The following FER variants were observed in gnomAD, a reference collection of about 807,000 sequenced individuals.
FER encodes the protein FER tyrosine kinase.
FER carries 63 observed loss-of-function variants against 111.0 expected under a neutral mutation model. The observed-to-expected ratio is 0.57, with a 90% CI of 0.46 to 0.70. The LOEUF (loss-of-function observed/expected upper bound fraction) is 0.70, where lower values mean the gene tolerates loss of function less well. FER is among the 30% of genes least tolerant of loss of function. The pLI, the probability that FER is intolerant of heterozygous loss-of-function variation, is 0.00. For synonymous variants in FER, 327 were observed against 313.9 expected (o/e 1.04, Z -0.44); for missense variants, 914 against 954.0 (o/e 0.96, Z 0.55).
chr5:108,811,609 A>C (rs540760472), intron 3 of FER, among the ~76,000 whole-genome samples: 31 of 152,302 alleles, frequency 2.0e-4, no homozygotes, highest in Middle Eastern at 6.8e-3. Flanking sequence ...AGGGTTTTCC[A>C]GAGAAACAGA....
chr5:109,166,602 T>C (rs563240261), intron 17 of FER, among the ~76,000 whole-genome samples: 5 of 152,204 alleles, frequency 3.3e-5, no homozygotes, highest in African/African-American at 4.8e-5. Flanking sequence ...GTATAGTGTC[T>C]TAACACACAA....
intron 16 of FER, among the ~76,000 whole-genome samples, chr5:109,075,428 ATTT>A (rs749923297): frequency 3.9e-4 from 50 of 128,486 alleles, no homozygotes; most frequent in Admixed American, 7.9e-4. Context: ...TTTGCTTAGC[ATTT>A]TTTTTTTTTT....
At chr5:108,792,944 C>T (rs1020586811) in intron 2 of FER, among the ~76,000 whole-genome samples, 1 of 152,048 alleles carries the variant, frequency 6.6e-6, no homozygotes, top group African/African-American at 2.4e-5. Flanking sequence ...TTGATACAGA[C>T]ATGCAGTGTG....
chr5:108,844,456 C>T (rs1344376645), intron 5 of FER, among the ~76,000 whole-genome samples: 1 of 152,074 alleles, frequency 6.6e-6, no homozygotes, highest in African/African-American at 2.4e-5. Context: ...AAGAATTGCC[C>T]TTACCCTCTT....
intron 3 of FER, among the ~76,000 whole-genome samples, chr5:108,804,878 T>A (rs554713375): frequency 8.5e-5 from 13 of 152,228 alleles, no homozygotes; most frequent in African/African-American, 3.1e-4. Flanking sequence ...TAGAATTCCC[T>A]CCTACTTGAT....
intron 16 of FER, among the ~76,000 whole-genome samples, chr5:109,068,820 A>C (rs533916456): frequency 2.0e-5 from 3 of 152,346 alleles, no homozygotes; most frequent in African/African-American, 7.2e-5. Flanking sequence ...ACCTGCTGGT[A>C]AATTAATCTG....
At chr5:109,052,099 C>T in intron 16 of FER, 2 of 1,603,882 alleles carry the variant, frequency 1.2e-6, no homozygotes, top group East Asian at 4.5e-5. Flanking sequence ...CACATTGACA[C>T]CATCAGTTTG....
intron 10 of FER, among the ~76,000 whole-genome samples, chr5:108,901,257 A>G (rs1242615994): frequency 6.6e-6 from 1 of 152,002 alleles, no homozygotes; most frequent in Non-Finnish European, 1.5e-5. Context: ...TTCCTTCACA[A>G]CTATGCTAAT....
chr5:109,025,329 C>A (rs921724214), intron 13 of FER, among the ~76,000 whole-genome samples: 1 of 152,250 alleles, frequency 6.6e-6, no homozygotes, highest in East Asian at 1.9e-4. Flanking sequence ...TTGAAGAGGT[C>A]CATCACGTCC....
intron 17 of FER, among the ~76,000 whole-genome samples, chr5:109,101,678 T>A (rs1748253400): frequency 6.6e-6 from 1 of 152,124 alleles, no homozygotes; most frequent in Non-Finnish European, 1.5e-5. Context: ...TCATTGCATT[T>A]CTGTTTTACT....
At chr5:108,940,995 A>G (rs1023490169) in intron 10 of FER, among the ~76,000 whole-genome samples, 1 of 152,100 alleles carries the variant, frequency 6.6e-6, no homozygotes, top group Admixed American at 6.6e-5. Flanking sequence ...TAGAGCTGAA[A>G]GTTGTCTTCT....
intron 8 of FER, among the ~76,000 whole-genome samples, chr5:108,876,205 T>C (rs544919467): frequency 1.1e-3 from 162 of 152,272 alleles, no homozygotes; most frequent in African/African-American, 3.7e-3. Flanking sequence ...GCATTTTAAA[T>C]GGTTGGAAAA....
chr5:108,897,996 A>C (rs1749402431), intron 10 of FER, 148 bp downstream of exon 10: 1 of 719,580 alleles, frequency 1.4e-6, no homozygotes, highest in Admixed American at 3.7e-5. Flanking sequence ...TGCAAAATAG[A>C]CTTGTCAGTC....
chr5:109,107,688 C>CT (rs1457884298), intron 17 of FER, among the ~76,000 whole-genome samples: 2 of 152,104 alleles, frequency 1.3e-5, no homozygotes, highest in African/African-American at 4.8e-5. Context: ...GTTCTTGAAA[C>CT]TAGTAACCGG....
At chr5:109,184,929 C>CA (rs1419070836) in intron 18 of FER, among the ~76,000 whole-genome samples, 1 of 152,052 alleles carries the variant, frequency 6.6e-6, no homozygotes, top group Non-Finnish European at 1.5e-5. Flanking sequence ...ATAAATCCTG[C>CA]AGTGGCAGAG....
intron 13 of FER, among the ~76,000 whole-genome samples, chr5:109,016,990 C>T (rs888151037): frequency 6.6e-6 from 1 of 152,034 alleles, no homozygotes; most frequent in Admixed American, 6.6e-5. Context: ...AGAAGGCAGT[C>T]TGCAATCCAG....
chr5:109,124,546 ATTGT>A (rs1203891846), intron 17 of FER, among the ~76,000 whole-genome samples: 5 of 152,040 alleles, frequency 3.3e-5, no homozygotes, highest in Admixed American at 1.3e-4. Context: ...CAGCTTTATA[ATTGT>A]TTGTCATTTC....
intron 13 of FER, among the ~76,000 whole-genome samples, chr5:108,961,435 T>C (rs1474198077): frequency 6.6e-6 from 1 of 152,230 alleles, no homozygotes; most frequent in Non-Finnish European, 1.5e-5. Context: ...TTAGATTCTC[T>C]GGACTATTAC....
rs183645309 is a variant in FER at position 109,096,980 on chromosome 5, T to C, written c.1925-3416T>C. On this transcript the variant is annotated intron_variant, in intron 16 of 19. Transcript: ENST00000281092. ...AGTATATAAATATATAATAAATATA[T>C]AAATATAAATATATAATTATATAAA... Among the ~76,000 whole-genome samples, 281 of 148,084 alleles carry C rather than the reference T, an allele frequency of 1.9e-3. 1 individual carries two copies. The highest frequency in any genetic ancestry group is 6.4e-3 in the African/African-American group (263 of 40,892).
Sources: gnomAD v4.1 joint callset for allele counts (sites outside exome capture counted in the v4.1 genomes callset) on GRCh38, gnomAD v4.1.1 for gene constraint, MANE v1.5 for transcripts, NCBI Gene and HGNC (gene_info 2026-07-23, HGNC 2026-07-21) for gene names.